KIF26B: variants seen among roughly 807,000 people sequenced by gnomAD.
KIF26B encodes the protein kinesin-like protein KIF26B.
A neutral mutation model predicts 151.2 loss-of-function variants in KIF26B; 63 were observed. The observed-to-expected ratio is 0.42, with a 90% CI of 0.34 to 0.51. The LOEUF is 0.51. Ranked by LOEUF, KIF26B falls within the 20% of genes least tolerant of loss-of-function variation. KIF26B has a pLI of 0.07. For synonymous variants in KIF26B, 1,357 were observed against 1,262.1 expected (o/e 1.08, Z -1.59); for missense variants, 2,813 against 2,913.6 (o/e 0.97, Z 0.79).
chr1:245,429,859 C>G (rs917891268), intron 4 of KIF26B, among the ~76,000 whole-genome samples: 1 of 152,142 alleles, frequency 6.6e-6, no homozygotes, highest in Non-Finnish European at 1.5e-5. Flanking sequence ...AGGTGATCTG[C>G]CCACCTTGGC....
chr1:245,599,305 G>A (rs1400935930), intron 5 of KIF26B, among the ~76,000 whole-genome samples: 1 of 152,224 alleles, frequency 6.6e-6, no homozygotes, highest in East Asian at 1.9e-4. Flanking sequence ...TAGACGCATT[G>A]CAAAGAAAAG....
In KIF26B at chr1:245,352,891, G is replaced by T. The variant is rs1157157248; in HGVS notation, c.466-13943G>T. Among the ~76,000 whole-genome samples the T allele has an allele frequency of 6.6e-6, 1 of 151,974 alleles. No homozygotes were observed. The highest frequency in any genetic ancestry group is 6.6e-5 in the Admixed American group (1 of 15,254). On this transcript the variant is annotated intron_variant, in intron 2 of 14. Transcript: ENST00000407071. This position sits in a 1 kb window ranked among gnomAD's most constrained non-coding sequence, Gnocchi z 5.0. The stretch of plus-strand genomic sequence containing the variant: ...GGGTGGGTGTGTAGAGTAGGGAAAA[G>T]GTGAGAAGTGGCTCTCTTGCTATAG...
intron 4 of KIF26B, among the ~76,000 whole-genome samples, chr1:245,489,501 C>T (rs908385684): frequency 6.6e-6 from 1 of 152,250 alleles, no homozygotes; most frequent in African/African-American, 2.4e-5. Flanking sequence ...CTGCAAGTAT[C>T]TCAACCTGTC....
intron 5 of KIF26B, among the ~76,000 whole-genome samples, chr1:245,593,632 AC>A (rs1342055454): frequency 1.3e-5 from 2 of 152,198 alleles, no homozygotes; most frequent in African/African-American, 2.4e-5. Flanking sequence ...CAATAAACAT[AC>A]GTGTGCATGT....
rs767311494 is a variant in KIF26B at position 245,688,530 on chromosome 1, G to A, written c.5547G>A (p.Ser1849=). The A allele has an allele frequency of 3.3e-5, 51 of 1,529,874 alleles. No homozygotes were observed. In the African/African-American group the frequency reaches 6.1e-4, roughly 18 times the overall value. The allele number at this position is 1,529,874 out of a possible 1,614,324, so 94.8% of individuals were successfully genotyped here. The change falls in exon 12 of 15, where the codon TCG becomes TCA. Residue 1849 remains serine, a synonymous_variant. Coordinates refer to ENST00000407071, the MANE Select transcript of KIF26B (RefSeq NM_018012.4). ...CCGCGGCCGCGCACCTGCTCCCGTC[G>A]CCCTACAGCAAGATCACGCCCCCGC... ...DEPAAAHLLP[S]PYSKITPPRR... is the part of the protein sequence containing the mutation.
chr1:245,543,177 G>A (rs142361706), intron 5 of KIF26B, among the ~76,000 whole-genome samples: 8 of 152,238 alleles, frequency 5.3e-5, no homozygotes, highest in Non-Finnish European at 7.4e-5. Context: ...CTGGAATTCT[G>A]AGACAAGGAC....
rs1423749165 is a variant in KIF26B, at chr1:245,612,103, TGTGA to T, written c.2098+129_2098+132del. ...GTGTGTGTGTGTGTGTGTGTGTGTGTGTGAGAGAGAGAGAGAGAGAGAGAGAGAC... is the reference window on the plus strand; with the variant it reads ...GTGTGTGTGTGTGTGTGTGTGTGTGTGAGAGAGAGAGAGAGAGAGAGAGAC... On this transcript the variant is annotated intron_variant, in intron 9 of 14. Transcript: ENST00000407071. The T allele has an allele frequency of 8.4e-3, 3,315 of 395,728 alleles. 7 individuals are homozygous for T. The highest frequency in any genetic ancestry group is 0.023 in the African/African-American group (864 of 37,200). The allele number at this position is 395,728 out of a possible 1,614,324, so 24.5% of individuals were successfully genotyped here.
chr1:245,442,136 A>G (rs971044887), intron 4 of KIF26B, among the ~76,000 whole-genome samples: 3 of 152,210 alleles, frequency 2.0e-5, no homozygotes, highest in African/African-American at 2.4e-5. Flanking sequence ...AAACAATACT[A>G]TGGAAAACAG....
chr1:245,683,966 C>T (rs886733663), intron 10 of KIF26B, among the ~76,000 whole-genome samples: 3 of 152,228 alleles, frequency 2.0e-5, no homozygotes, highest in Admixed American at 1.3e-4. Context: ...CAGACACACA[C>T]GCCCAGGAAC....
At chr1:245,175,236 A>G (rs1573688741) in intron 2 of KIF26B, among the ~76,000 whole-genome samples, 1 of 152,046 alleles carries the variant, frequency 6.6e-6, no homozygotes, top group Non-Finnish European at 1.5e-5. Context: ...TTCCATTACA[A>G]CCCCTAGCCA....
intron 2 of KIF26B, among the ~76,000 whole-genome samples, chr1:245,319,021 C>T (rs1383982674): frequency 3.9e-5 from 6 of 152,192 alleles, no homozygotes; most frequent in East Asian, 1.9e-4. Flanking sequence ...TGGGTGCCTA[C>T]GGCTTTGGGT....
At chr1:245,361,751 C>T (rs1241239827) in intron 2 of KIF26B, among the ~76,000 whole-genome samples, 1 of 152,196 alleles carries the variant, frequency 6.6e-6, no homozygotes, top group East Asian at 1.9e-4. Flanking sequence ...GGAGCAAACC[C>T]TAATTCTAAC....
At chr1:245,335,387 C>T (rs953131420) in intron 2 of KIF26B, among the ~76,000 whole-genome samples, 2 of 152,178 alleles carry the variant, frequency 1.3e-5, no homozygotes, top group African/African-American at 2.4e-5. Context: ...GACACATATA[C>T]GCACTCTAGT....
At chr1:245,521,235 G>C (rs1661097766) in intron 4 of KIF26B, among the ~76,000 whole-genome samples, 1 of 151,992 alleles carries the variant, frequency 6.6e-6, no homozygotes, top group Admixed American at 6.6e-5. Context: ...TACTCCGAAG[G>C]CTGAGGCAGG....
At chr1:245,695,690 C>CTT (rs1425911701) in intron 12 of KIF26B, among the ~76,000 whole-genome samples, 59 of 152,374 alleles carry the variant, frequency 3.9e-4, no homozygotes, top group African/African-American at 1.3e-3. Flanking sequence ...GAAGTAGATA[C>CTT]CCGCCAGGAT....
Position 245,377,994 on chromosome 1 carries a change from T to C in KIF26B, c.999+10627T>C, listed in dbSNP as rs143415878. ...GTGGGTTTTTCATAGAATAACAGCC[T>C]CCTCTTCTGAACTTACAGAATACCT... is the stretch of plus-strand genomic sequence containing the variant. On this transcript the variant is annotated intron_variant, in intron 3 of 14. Coordinates refer to ENST00000407071, the MANE Select transcript of KIF26B (RefSeq NM_018012.4). Among the ~76,000 whole-genome samples the C allele has an allele frequency of 2.6e-5, 4 of 152,250 alleles. 1 individual carries two copies. The highest frequency in any genetic ancestry group is 9.6e-5 in the African/African-American group (4 of 41,546).
intron 5 of KIF26B, among the ~76,000 whole-genome samples, chr1:245,578,720 G>GTAA (rs1558222551): frequency 6.6e-6 from 1 of 152,190 alleles, no homozygotes; most frequent in Non-Finnish European, 1.5e-5. Flanking sequence ...GGATGGAGCC[G>GTAA]ATTTTAACAT....
At chr1:245,379,768 C>G (rs1180357050) in intron 3 of KIF26B, among the ~76,000 whole-genome samples, 1 of 151,936 alleles carries the variant, frequency 6.6e-6, no homozygotes, top group Non-Finnish European at 1.5e-5. Context: ...GTCAGGAGTT[C>G]AAGACCAGCC....
At chr1:245,544,561 C>T (rs765140015) in intron 5 of KIF26B, among the ~76,000 whole-genome samples, 1 of 152,282 alleles carries the variant, frequency 6.6e-6, no homozygotes, top group South Asian at 2.1e-4. Flanking sequence ...AACTGAGGCC[C>T]AGTGAAGGTA....
Sources: allele counts gnomAD v4.1 joint callset (sites outside exome capture counted in the v4.1 genomes callset), GRCh38; gene constraint gnomAD v4.1.1; non-coding constraint Gnocchi (gnomAD v3.1); transcripts MANE v1.5; gene names NCBI Gene and HGNC (gene_info 2026-07-23, HGNC 2026-07-21).